Variants in SEMA3C observed in about 807,000 individuals in gnomAD.
SEMA3C encodes the protein semaphorin 3C, also known as semaphorin-3C.
In SEMA3C, 47 loss-of-function variants were observed where a neutral mutation model predicts 89.4. That is an observed-to-expected ratio of 0.53 (90% CI 0.42 to 0.67). SEMA3C has a LOEUF of 0.67. Among genes scored for constraint, SEMA3C ranks in the 30% least tolerant of loss-of-function variants. The pLI is 0.00. For synonymous variants in SEMA3C, 310 were observed against 320.2 expected (o/e 0.97, Z 0.34); for missense variants, 839 against 929.1 (o/e 0.90, Z 1.26).
chr7:80,914,325 C>T (rs554166555), intron 2 of SEMA3C, among the ~76,000 whole-genome samples: 24 of 152,096 alleles, frequency 1.6e-4, no homozygotes, highest in African/African-American at 5.5e-4. Flanking sequence ...CTACTTGGTA[C>T]AATAGTCAAT....
At chr7:80,841,334 T>C (rs949614503) in intron 2 of SEMA3C, among the ~76,000 whole-genome samples, 1 of 152,138 alleles carries the variant, frequency 6.6e-6, no homozygotes, top group African/African-American at 2.4e-5. Context: ...TAAATAAATG[T>C]AGAAAAAAGT....
rs550009138 is a variant in SEMA3C at position 80,880,900 on chromosome 7, G to A, written c.103+35779C>T. 5.4e-4 allele frequency among the ~76,000 whole-genome samples: 82 copies of A among 152,260 alleles called. 1 individual carries two copies. The highest frequency in any genetic ancestry group is 3.7e-4 in the Non-Finnish European group (25 of 68,012). On this transcript the variant is annotated intron_variant, in intron 2 of 17. Coordinates refer to ENST00000265361, the MANE Select transcript of SEMA3C (RefSeq NM_006379.5). ...AGATCACATCACTGCATTCCAGCCTGGGTGACAGAGAGACACTCTGTCTCA... is the reference window on the plus strand; with the variant it reads ...AGATCACATCACTGCATTCCAGCCTAGGTGACAGAGAGACACTCTGTCTCA...
At chr7:80,763,404 C>G (rs951246003) in intron 13 of SEMA3C, among the ~76,000 whole-genome samples, 16 of 152,176 alleles carry the variant, frequency 1.1e-4, no homozygotes, top group African/African-American at 3.9e-4. Flanking sequence ...ACTGTGTTTC[C>G]TGACTTGGCC....
intron 2 of SEMA3C, among the ~76,000 whole-genome samples, chr7:80,862,839 G>C (rs562715406): frequency 1.6e-3 from 250 of 152,142 alleles, no homozygotes; most frequent in African/African-American, 5.7e-3. Context: ...ACATAAAGTG[G>C]GGAAAGGACA....
intron 16 of SEMA3C, among the ~76,000 whole-genome samples, chr7:80,749,969 T>C (rs1486066874): frequency 2.6e-5 from 4 of 152,060 alleles, no homozygotes; most frequent in South Asian, 4.1e-4. Context: ...AAATAGCAAA[T>C]GGAGAAATGG....
chr7:80,755,227 G>A (rs1788038643), intron 15 of SEMA3C, among the ~76,000 whole-genome samples: 1 of 151,478 alleles, frequency 6.6e-6, no homozygotes, highest in Non-Finnish European at 1.5e-5. Flanking sequence ...AAAAAAGTAT[G>A]ATTAAAATTA....
intron 12 of SEMA3C, among the ~76,000 whole-genome samples, chr7:80,765,991 A>T (rs1191573574): frequency 6.6e-6 from 1 of 152,238 alleles, no homozygotes; most frequent in Admixed American, 6.5e-5. Flanking sequence ...TATCTGAAGA[A>T]AGATGACTGC....
chr7:80,751,237 C>T (rs765084801), intron 16 of SEMA3C, 32 bp downstream of exon 16: 2 of 1,561,744 alleles, frequency 1.3e-6, no homozygotes, highest in Admixed American at 3.3e-5. Context: ...TGCTACTGTT[C>T]ACTGAGATTG....
intron 2 of SEMA3C, among the ~76,000 whole-genome samples, chr7:80,908,098 A>G (rs1236155510): frequency 6.6e-6 from 1 of 152,162 alleles, no homozygotes; most frequent in Non-Finnish European, 1.5e-5. Context: ...TCCCTGTCTT[A>G]AGAATTATAG....
chr7:80,744,929 T>C lies in SEMA3C; in HGVS notation c.2221A>G (p.Ser741Gly), dbSNP rs1205788234. 6.2e-7 allele frequency: 1 copy of C among 1,614,100 alleles called. No individual in the cohort carries two copies. Among genetic ancestry groups the C allele is most frequent in the Admixed American group, 1.7e-5 (1 of 60,006 alleles). Residue 741 changes from serine to glycine, a missense_variant, in exon 18 of 18, where the codon AGT (serine) becomes GGT (glycine). Ser to Gly is a moderately conservative substitution (Grantham distance 56, BLOSUM62 0). Transcript: ENST00000265361. ...GGCAACTGATTCCTCCTGTTTCTACTTTTCCGACTATTGATGAGGGCCTTT... is the reference window on the plus strand; with the variant it reads ...GGCAACTGATTCCTCCTGTTTCTACCTTTCCGACTATTGATGAGGGCCTTT... ...KLKALINSRK[S>G]RNRRNQLPES
At chr7:80,752,185 T>C (rs1470705405) in intron 15 of SEMA3C, among the ~76,000 whole-genome samples, 1 of 152,246 alleles carries the variant, frequency 6.6e-6, no homozygotes, top group African/African-American at 2.4e-5. Flanking sequence ...CATAATCTAA[T>C]GCATATTCTA....
At chr7:80,755,492 T>C (rs929498014) in intron 15 of SEMA3C, among the ~76,000 whole-genome samples, 1 of 151,504 alleles carries the variant, frequency 6.6e-6, no homozygotes, top group Non-Finnish European at 1.5e-5. Context: ...GGAGTACTGA[T>C]GTCCAGTTTC....
intron 4 of SEMA3C, among the ~76,000 whole-genome samples, chr7:80,823,476 C>T (rs1045372187): frequency 6.6e-6 from 1 of 151,944 alleles, no homozygotes; most frequent in African/African-American, 2.4e-5. Flanking sequence ...AAAATATATC[C>T]TGGAGCACAG....
At position 80,767,720 on chromosome 7, in the gene SEMA3C, T is replaced by C. The variant is rs141148979; in HGVS notation, c.1355-2477A>G. On this transcript the variant is annotated intron_variant, in intron 12 of 17. Coordinates refer to ENST00000265361, the MANE Select transcript of SEMA3C (RefSeq NM_006379.5). ...ACATTTTTAAATTCTACTGAAAATG[T>C]CATAAGAAGAATTAACTTGAACTGA... 3.8e-3 allele frequency among the ~76,000 whole-genome samples: 578 copies of C among 152,320 alleles called. 3 individuals carry two copies. The highest frequency in any genetic ancestry group is 0.013 in the African/African-American group (536 of 41,572).
chr7:80,816,764 G>A (rs1037350326), intron 5 of SEMA3C, among the ~76,000 whole-genome samples: 7 of 152,250 alleles, frequency 4.6e-5, no homozygotes, highest in Non-Finnish European at 8.8e-5. Flanking sequence ...CCTTTGAAAC[G>A]TATCTTTTGA....
intron 4 of SEMA3C, among the ~76,000 whole-genome samples, chr7:80,826,682 C>G (rs554731962): frequency 6.6e-6 from 1 of 152,262 alleles, no homozygotes; most frequent in South Asian, 2.1e-4. Flanking sequence ...TGATGCTTGG[C>G]TGTATTACAT....
chr7:80,861,767 C>G (rs1352480371), intron 2 of SEMA3C, among the ~76,000 whole-genome samples: 1 of 152,084 alleles, frequency 6.6e-6, no homozygotes, highest in African/African-American at 2.4e-5. Flanking sequence ...GATGATTTAA[C>G]ACATGCAAGT....
rs560920047 is a variant in SEMA3C at position 80,876,977 on chromosome 7, T to A, written c.103+39702A>T. On this transcript the variant is annotated intron_variant, in intron 2 of 17. Coordinates refer to ENST00000265361, the MANE Select transcript of SEMA3C (RefSeq NM_006379.5). ...CCAAACTGGACCCAAGAGATTCCAATAATTACATCCCAGTGGTGTTGACAT... is the reference window on the plus strand; with the variant it reads ...CCAAACTGGACCCAAGAGATTCCAAAAATTACATCCCAGTGGTGTTGACAT... Among the ~76,000 whole-genome samples the A allele has an allele frequency of 4.6e-5, 7 of 152,342 alleles. No individual in the cohort carries two copies. In the South Asian group the frequency reaches 1.2e-3, roughly 27 times the overall value.
At chr7:80,845,711 C>G (rs548911014) in intron 2 of SEMA3C, among the ~76,000 whole-genome samples, 1 of 152,076 alleles carries the variant, frequency 6.6e-6, no homozygotes, top group Non-Finnish European at 1.5e-5. Flanking sequence ...TCTTTAGTTT[C>G]CTTCTTTGTT....
Sources: allele counts gnomAD v4.1 joint callset (sites outside exome capture counted in the v4.1 genomes callset), GRCh38; gene constraint gnomAD v4.1.1; transcripts MANE v1.5; gene names NCBI Gene and HGNC (gene_info 2026-07-23, HGNC 2026-07-21).